Variants in KLHL4 observed in about 807,000 individuals in gnomAD.
KLHL4 encodes the protein kelch like family member 4.
A neutral mutation model predicts 45.8 loss-of-function variants in KLHL4; 17 were observed. That is an observed-to-expected ratio of 0.37 (90% CI 0.25 to 0.56). KLHL4 has a LOEUF of 0.56. Among genes scored for constraint, KLHL4 ranks in the 20% least tolerant of loss-of-function variants. KLHL4 has a pLI of 0.79. For synonymous variants in KLHL4, 224 were observed against 189.9 expected, an observed-to-expected ratio of 1.18 and a Z score of -1.47; for missense variants, 544 against 544.9, an observed-to-expected ratio of 1.00 and a Z score of 0.02.
At chrX:87,541,123 C>T (rs1438861483) in intron 1 of KLHL4, among the ~76,000 whole-genome samples, 1 of 110,053 alleles carries the variant, frequency 9.1e-6, no homozygotes, top group African/African-American at 3.3e-5. Context: ...GTGATTGGAT[C>T]ATGGGGGCAG....
chrX:87,545,123 A>G (rs150863065), intron 1 of KLHL4, among the ~76,000 whole-genome samples: 1,477 of 112,856 alleles, frequency 0.013, 24 homozygotes, highest in African/African-American at 0.044. Context: ...AAAAAGAATC[A>G]GCATAAATTA....
chrX:87,553,560 T>C (rs978650968), intron 1 of KLHL4, among the ~76,000 whole-genome samples: 12 of 110,599 alleles, frequency 1.1e-4, no homozygotes, highest in African/African-American at 3.6e-4. Context: ...TGAGAATATC[T>C]TAATTCTAAT....
At chrX:87,563,103 A>G (rs1309676314) in intron 1 of KLHL4, among the ~76,000 whole-genome samples, 1 of 111,269 alleles carries the variant, frequency 9.0e-6, no homozygotes, top group Admixed American at 9.6e-5. Flanking sequence ...TCAAAGTCTT[A>G]GATTACAATG....
chrX:87,600,953 T>C (rs1921998750), intron 1 of KLHL4, among the ~76,000 whole-genome samples: 1 of 111,891 alleles, frequency 8.9e-6, no homozygotes, highest in African/African-American at 3.2e-5. Context: ...GAAACGTCTA[T>C]TCCTTGCTTT....
intron 1 of KLHL4, among the ~76,000 whole-genome samples, chrX:87,609,027 C>T (rs1229650015): frequency 9.0e-6 from 1 of 110,921 alleles, no homozygotes; most frequent in Non-Finnish European, 1.9e-5. Context: ...GTTTTTTGTC[C>T]TTGCAACAGT....
chrX:87,602,265 A>T (rs983844919), intron 1 of KLHL4, among the ~76,000 whole-genome samples: 1 of 111,271 alleles, frequency 9.0e-6, no homozygotes. Context: ...TTATTATTAA[A>T]GATAAATTTT....
At chrX:87,535,343 C>T (rs945016136) in intron 1 of KLHL4, among the ~76,000 whole-genome samples, 20 of 111,627 alleles carry the variant, frequency 1.8e-4, no homozygotes, top group African/African-American at 5.2e-4. Context: ...TCAATCATCA[C>T]GATAGCTGAA....
rs1420639355 is a variant in KLHL4, at chrX:87,555,282, C to T, written c.422+36967C>T. Reference sequence around the variant, plus strand: ...CTTTTTCTATTGATTGGAATAGTTTCAGAAGGAATGGTGCCAGTTCCTCCT... The same window carrying T: ...CTTTTTCTATTGATTGGAATAGTTTTAGAAGGAATGGTGCCAGTTCCTCCT... On this transcript the variant is annotated intron_variant, in intron 1 of 10. Transcript: ENST00000373119. Among the ~76,000 whole-genome samples the T allele has an allele frequency of 7.3e-5, 8 of 109,391 alleles. No individual in the cohort carries two copies. In the Admixed American group the frequency reaches 8.0e-4, roughly 11 times the overall value. 95.0% of individuals were successfully genotyped at this position (109,391 alleles called of 115,157 possible).
chrX:87,654,408 G>T (rs181580060), intron 9 of KLHL4, among the ~76,000 whole-genome samples: 1,337 of 109,752 alleles, frequency 0.012, 15 homozygotes, highest in African/African-American at 0.044. Flanking sequence ...TTGACTTCCT[G>T]TTTCTGAGTT....
At chrX:87,587,159 A>T in intron 1 of KLHL4, among the ~76,000 whole-genome samples, 1 of 106,732 alleles carries the variant, frequency 9.4e-6, no homozygotes, top group African/African-American at 3.4e-5. Context: ...GCAAAAAAAA[A>T]AAAAAAAAAG....
chrX:87,627,135 A>G (rs1922956285), intron 6 of KLHL4, among the ~76,000 whole-genome samples: 2 of 111,741 alleles, frequency 1.8e-5, no homozygotes, highest in South Asian at 3.7e-4. Flanking sequence ...GGTCTGTATC[A>G]GCATCCGGCC....
chrX:87,655,829 T>C (rs1055657343), intron 9 of KLHL4, among the ~76,000 whole-genome samples: 2 of 112,070 alleles, frequency 1.8e-5, no homozygotes, highest in South Asian at 3.6e-4. Flanking sequence ...ATTGAACAAA[T>C]TTTGTATCCA....
rs1353985918 is a variant in KLHL4 at position 87,632,472 on chromosome X, A to G, written c.1549+38A>G. 7.6e-6 allele frequency: 7 copies of G among 925,262 alleles called. No individual in the cohort carries two copies. In the East Asian group the frequency reaches 1.6e-4, roughly 21 times the overall value. 76.3% of individuals were successfully genotyped at this position (925,262 alleles called of 1,213,427 possible). ...CGTAATGTATTTTTCAAGAATGTAT[A>G]GTAAGTAGAGTTTTTAAAAATTAAA... On this transcript the variant is annotated intron_variant, in intron 7 of 10. Transcript: ENST00000373119.
At chrX:87,593,579 A>G (rs1038821055) in intron 1 of KLHL4, among the ~76,000 whole-genome samples, 1 of 111,113 alleles carries the variant, frequency 9.0e-6, no homozygotes, top group African/African-American at 3.3e-5. Flanking sequence ...TGTATTTTCT[A>G]CTTGGTAAGG....
At chrX:87,636,970 T>C (rs1923283232) in intron 9 of KLHL4, among the ~76,000 whole-genome samples, 1 of 111,804 alleles carries the variant, frequency 8.9e-6, no homozygotes, top group African/African-American at 3.3e-5. Context: ...AAGGCAAAGT[T>C]GTATCCTTCC....
intron 1 of KLHL4, among the ~76,000 whole-genome samples, chrX:87,530,720 G>A (rs1346365263): frequency 9.8e-5 from 10 of 102,195 alleles, no homozygotes; most frequent in South Asian, 9.8e-4. Flanking sequence ...GAATAATGCC[G>A]CAATAAACAT....
At chrX:87,610,951 G>A (rs73511945) in intron 1 of KLHL4, among the ~76,000 whole-genome samples, 2,154 of 110,421 alleles carry the variant, frequency 0.02, 59 homozygotes, top group African/African-American at 0.067. Flanking sequence ...GTGCACGTCC[G>A]CAGTCCCAGC....
At chrX:87,615,684 G>T (rs1922535332) in intron 3 of KLHL4, among the ~76,000 whole-genome samples, 1 of 111,503 alleles carries the variant, frequency 9.0e-6, no homozygotes, top group Non-Finnish European at 1.9e-5. Flanking sequence ...CTACAACATG[G>T]ATGAAGTGTG....
At chrX:87,649,404 C>T (rs937163347) in intron 9 of KLHL4, among the ~76,000 whole-genome samples, 2 of 111,538 alleles carry the variant, frequency 1.8e-5, no homozygotes, top group Admixed American at 9.6e-5. Context: ...TAGTTCCGTA[C>T]ATATTCTGGA....
Sources: allele counts gnomAD v4.1 joint callset (sites outside exome capture counted in the v4.1 genomes callset), GRCh38; gene constraint gnomAD v4.1.1; transcripts MANE v1.5; gene names NCBI Gene and HGNC (gene_info 2026-07-23, HGNC 2026-07-21).